Variants in LRFN5 observed in about 807,000 individuals in gnomAD.
The protein encoded by LRFN5 is leucine-rich repeat and fibronectin type-III domain-containing protein 5.
LRFN5 carries 24 observed loss-of-function variants against 45.6 expected under a neutral mutation model. The ratio of observed to expected loss-of-function variants is 0.53; its 90% CI spans 0.38 to 0.74. The LOEUF (loss-of-function observed/expected upper bound fraction) is 0.74, where lower values mean the gene tolerates loss of function less well. Ranked by LOEUF, LRFN5 falls within the 30% of genes least tolerant of loss-of-function variation. LRFN5 has a pLI of 0.00. For synonymous variants in LRFN5, 340 were observed against 313.8 expected (o/e 1.08, Z -0.88); for missense variants, 776 against 861.5 (o/e 0.90, Z 1.24).
chr14:41,783,115 G>T (rs1028597412), intron 2 of LRFN5, among the ~76,000 whole-genome samples: 2 of 151,632 alleles, frequency 1.3e-5, no homozygotes, highest in African/African-American at 4.8e-5. Context: ...GAAAAATCTG[G>T]GTATATTTCA....
At chr14:41,631,755 T>C (rs1294121719) in intron 1 of LRFN5, among the ~76,000 whole-genome samples, 1 of 152,070 alleles carries the variant, frequency 6.6e-6, no homozygotes, top group Non-Finnish European at 1.5e-5. Flanking sequence ...AGGAGTGAGT[T>C]CAAGAACCTT....
chr14:41,734,029 C>CTTTTTTTTTTTTTT (rs58623215), intron 1 of LRFN5, among the ~76,000 whole-genome samples: 1 of 123,886 alleles, frequency 8.1e-6, no homozygotes. Flanking sequence ...CTTTTCTTTT[C>CTTTTTTTTTTTTTT]TTTTTTTTTT....
In LRFN5 at chr14:41,809,546, A is replaced by G. The variant is rs573494606; in HGVS notation, c.-21+42517A>G. ...CTCTTCAAAATTTTAATTAAAATAT[A>G]TAAGTCAAGTAAGGATGTTAAGAGT... On this transcript the variant is annotated intron_variant, in intron 2 of 5. Coordinates refer to ENST00000298119, the MANE Select transcript of LRFN5 (RefSeq NM_152447.5). Among the ~76,000 whole-genome samples the G allele has an allele frequency of 2.6e-5, 4 of 152,066 alleles. No individual in the cohort carries two copies. In the East Asian group the frequency reaches 7.7e-4, roughly 29 times the overall value.
At chr14:41,740,272 A>G (rs1884633917) in intron 1 of LRFN5, among the ~76,000 whole-genome samples, 1 of 152,072 alleles carries the variant, frequency 6.6e-6, no homozygotes, top group Non-Finnish European at 1.5e-5. Flanking sequence ...AATCCCTGAT[A>G]AATATGGAGC....
chr14:41,705,912 A>T (rs1313346405), intron 1 of LRFN5, among the ~76,000 whole-genome samples: 1 of 152,162 alleles, frequency 6.6e-6, no homozygotes. Flanking sequence ...CAACGTATAC[A>T]CATTAATCAT....
intron 1 of LRFN5, among the ~76,000 whole-genome samples, chr14:41,757,469 C>T (rs966881801): frequency 6.6e-6 from 1 of 152,236 alleles, no homozygotes; most frequent in Non-Finnish European, 1.5e-5. Context: ...GGCGCCCCTC[C>T]CCCAGCCTCG....
intron 2 of LRFN5, among the ~76,000 whole-genome samples, chr14:41,859,010 A>C (rs1425555016): frequency 6.6e-6 from 1 of 152,148 alleles, no homozygotes; most frequent in East Asian, 1.9e-4. Context: ...GCAGGATAAT[A>C]CACAGTAGTG....
chr14:41,811,215 A>G (rs186850102), intron 2 of LRFN5, among the ~76,000 whole-genome samples: 52 of 152,254 alleles, frequency 3.4e-4, no homozygotes, highest in African/African-American at 1.2e-3. Flanking sequence ...TATAACTACA[A>G]TAAAATAGCA....
At chr14:41,736,964 A>G (rs921019365) in intron 1 of LRFN5, among the ~76,000 whole-genome samples, 4 of 152,142 alleles carry the variant, frequency 2.6e-5, no homozygotes, top group Admixed American at 6.6e-5. Flanking sequence ...TATTCCAAAC[A>G]ATAGAAAAAA....
intron 2 of LRFN5, among the ~76,000 whole-genome samples, chr14:41,783,254 TTCTCAC>T (rs1886598480): frequency 6.6e-6 from 1 of 152,070 alleles, no homozygotes; most frequent in African/African-American, 2.4e-5. Flanking sequence ...CTCCAAGAGT[TTCTCAC>T]TCTCACTCTC....
chr14:41,657,389 T>C (rs184964242), intron 1 of LRFN5, among the ~76,000 whole-genome samples: 1 of 152,048 alleles, frequency 6.6e-6, no homozygotes, highest in East Asian at 1.9e-4. Context: ...GGTTTTATCT[T>C]GAATGATGTA....
Position 41,702,750 on chromosome 14 carries a change from C to T in LRFN5, c.-196-64104C>T, listed in dbSNP as rs912455524. Reference sequence around the variant, plus strand: ...AAAGCTCTGGGACTATAGACATGAGCCACTAAACCCAGAATGAATGTGTTT... The same window carrying T: ...AAAGCTCTGGGACTATAGACATGAGTCACTAAACCCAGAATGAATGTGTTT... On this transcript the variant is annotated intron_variant, in intron 1 of 5. Coordinates refer to ENST00000298119, the MANE Select transcript of LRFN5 (RefSeq NM_152447.5). Among the ~76,000 whole-genome samples, 3 of 151,752 alleles carry T rather than the reference C, an allele frequency of 2.0e-5. No individual in the cohort carries two copies. The South Asian group carries it at 6.2e-4, about 31-fold the overall frequency.
chr14:41,774,444 T>G lies in LRFN5; in HGVS notation c.-21+7415T>G, dbSNP rs149017264. Reference sequence around the variant, plus strand: ...TTGGCAGTCTCTACAAAGGCTTCTTTTAGGATAATTCATGATTTATTATGG... The same window carrying G: ...TTGGCAGTCTCTACAAAGGCTTCTTGTAGGATAATTCATGATTTATTATGG... On this transcript the variant is annotated intron_variant, in intron 2 of 5. Coordinates refer to ENST00000298119, the MANE Select transcript of LRFN5 (RefSeq NM_152447.5). 3.0e-3 allele frequency among the ~76,000 whole-genome samples: 461 copies of G among 152,318 alleles called. 3 individuals carry two copies. Among genetic ancestry groups the G allele is most frequent in the African/African-American group, 0.01 (428 of 41,580 alleles).
intron 2 of LRFN5, among the ~76,000 whole-genome samples, chr14:41,872,971 C>A (rs1890068286): frequency 6.6e-6 from 1 of 152,116 alleles, no homozygotes; most frequent in Non-Finnish European, 1.5e-5. Flanking sequence ...TGTCTAAATT[C>A]CACTTCTTTA....
chr14:41,675,620 G>A (rs1046962913), intron 1 of LRFN5, among the ~76,000 whole-genome samples: 16 of 152,036 alleles, frequency 1.1e-4, no homozygotes, highest in African/African-American at 3.4e-4. Flanking sequence ...GAGGGAGAGG[G>A]GAGAGGGGAG....
chr14:41,687,502 A>G (rs1200680639), intron 1 of LRFN5, among the ~76,000 whole-genome samples: 1 of 152,246 alleles, frequency 6.6e-6, no homozygotes, highest in African/African-American at 2.4e-5. Flanking sequence ...CACCCAAGGG[A>G]ATGTAAATCA....
intron 1 of LRFN5, among the ~76,000 whole-genome samples, chr14:41,649,883 A>G (rs1023301358): frequency 2.0e-5 from 3 of 152,162 alleles, no homozygotes; most frequent in Non-Finnish European, 4.4e-5. Flanking sequence ...CTGTTTCAGT[A>G]GTTCCTCTAG....
At chr14:41,782,452 G>C (rs915118850) in intron 2 of LRFN5, among the ~76,000 whole-genome samples, 2 of 151,850 alleles carry the variant, frequency 1.3e-5, no homozygotes, top group African/African-American at 4.8e-5. Flanking sequence ...CTTTTTTAGA[G>C]CCCTTAACAT....
rs558981305 is a variant in LRFN5 at position 41,757,280 on chromosome 14, A to C, written c.-196-9574A>C. 9.1e-3 allele frequency among the ~76,000 whole-genome samples: 1,378 copies of C among 152,258 alleles called. 25 individuals carry two copies. Among genetic ancestry groups the C allele is most frequent in the African/African-American group, 0.032 (1,331 of 41,552 alleles). On this transcript the variant is annotated intron_variant, in intron 1 of 5. Coordinates refer to ENST00000298119, the MANE Select transcript of LRFN5 (RefSeq NM_152447.5). ...GCTGGGAGAACCACTACTCTCTTCA[A>C]AGCTGTCAGACAGGGACATTTAAGT...
Sources: allele counts gnomAD v4.1 joint callset (sites outside exome capture counted in the v4.1 genomes callset), GRCh38; gene constraint gnomAD v4.1.1; transcripts MANE v1.5; gene names NCBI Gene and HGNC (gene_info 2026-07-23, HGNC 2026-07-21).